The following NFIB variants were observed in gnomAD, a reference collection of about 807,000 sequenced individuals.
NFIB encodes nuclear factor I B, also known as nuclear factor 1 B-type.
NFIB carries 11 observed loss-of-function variants against 61.5 expected under a neutral mutation model. The ratio of observed to expected loss-of-function variants is 0.18; its 90% CI spans 0.11 to 0.30. The LOEUF is 0.30. Among genes scored for constraint, NFIB ranks in the 10% least tolerant of loss-of-function variants. NFIB has a pLI of 1.00. For missense variants in NFIB, 471 were observed against 608.9 expected, an observed-to-expected ratio of 0.77 and a Z score of 2.38; for synonymous variants, 260 against 216.5, an observed-to-expected ratio of 1.20 and a Z score of -1.76.
chr9:14,241,933 G>C (rs915150941), intron 2 of NFIB, among the ~76,000 whole-genome samples: 4 of 152,016 alleles, frequency 2.6e-5, no homozygotes, highest in South Asian at 2.1e-4. Context: ...AAGATCACAA[G>C]ACAAGAAATG....
At chr9:14,152,171 C>T (rs1425925987) in intron 4 of NFIB, among the ~76,000 whole-genome samples, 1 of 152,048 alleles carries the variant, frequency 6.6e-6, no homozygotes, top group African/African-American at 2.4e-5. Context: ...TGACTAGTAA[C>T]AGCTCCAAAC....
intron 2 of NFIB, among the ~76,000 whole-genome samples, chr9:14,293,891 T>G (rs2059258546): frequency 6.6e-6 from 1 of 152,188 alleles, no homozygotes; most frequent in Non-Finnish European, 1.5e-5. Context: ...AAAACCTTAC[T>G]AAAAACAGTC....
the NFIB span, among the ~76,000 whole-genome samples, chr9:14,450,067 C>G: frequency 3.3e-3 from 498 of 152,016 alleles, 4 homozygotes; most frequent in Middle Eastern, 0.01. Flanking sequence ...TTTGCTGCAC[C>G]CATTAACTCA....
chr9:14,238,387 A>G (rs149933047), intron 2 of NFIB, among the ~76,000 whole-genome samples: 1 of 152,304 alleles, frequency 6.6e-6, no homozygotes, highest in East Asian at 1.9e-4. Flanking sequence ...CAGTCTTGTG[A>G]AGAGTTTAAT....
the NFIB span, among the ~76,000 whole-genome samples, chr9:14,502,579 C>G: frequency 6.6e-6 from 1 of 152,200 alleles, no homozygotes; most frequent in Non-Finnish European, 1.5e-5. Context: ...CTGTGCGTTT[C>G]TTACACAGCG....
At chr9:14,455,686 T>A in the NFIB span, among the ~76,000 whole-genome samples, 4 of 151,964 alleles carry the variant, frequency 2.6e-5, no homozygotes, top group East Asian at 7.7e-4. Context: ...AAATGTACCA[T>A]CAAAAAAAGG....
At chr9:14,462,448 A>C in the NFIB span, among the ~76,000 whole-genome samples, 9 of 151,908 alleles carry the variant, frequency 5.9e-5, no homozygotes, top group South Asian at 1.9e-3. Context: ...ACGCCCGGCT[A>C]ATTTTTTGTA....
chr9:14,335,727 T>TAG (rs1230823002), intron 1 of NFIB, among the ~76,000 whole-genome samples: 7 of 152,234 alleles, frequency 4.6e-5, no homozygotes, highest in African/African-American at 1.7e-4. Flanking sequence ...TTTGGCTTCA[T>TAG]ATCTAAGACA....
At chr9:14,459,575 A>C in the NFIB span, among the ~76,000 whole-genome samples, 11 of 152,104 alleles carry the variant, frequency 7.2e-5, no homozygotes, top group South Asian at 8.3e-4. Context: ...TCAGAGTGAA[A>C]AGGCAACCTA....
At chr9:14,128,888 T>C (rs1054051437) in intron 6 of NFIB, among the ~76,000 whole-genome samples, 1 of 152,122 alleles carries the variant, frequency 6.6e-6, no homozygotes, top group Non-Finnish European at 1.5e-5. Context: ...AGGGTGTTTA[T>C]ATAGAAGTTG....
chr9:14,477,567 A>G, the NFIB span, among the ~76,000 whole-genome samples: 1 of 152,306 alleles, frequency 6.6e-6, no homozygotes, highest in African/African-American at 2.4e-5. Context: ...GTTGGTTGCC[A>G]TGGAGATTCA....
At chr9:14,484,797 T>G in the NFIB span, among the ~76,000 whole-genome samples, 4 of 152,358 alleles carry the variant, frequency 2.6e-5, no homozygotes, top group South Asian at 4.1e-4. Context: ...GGAGCCTGTA[T>G]CTGTATGGAG....
chr9:14,213,072 C>A (rs1007256131), intron 2 of NFIB, among the ~76,000 whole-genome samples: 1 of 152,124 alleles, frequency 6.6e-6, no homozygotes, highest in African/African-American at 2.4e-5. Flanking sequence ...ACATTATTTG[C>A]CTATTTCCAT....
At chr9:14,481,195 G>GTATATATATATATATATATATA in the NFIB span, among the ~76,000 whole-genome samples, 5 of 35,066 alleles carry the variant, frequency 1.4e-4, no homozygotes, top group African/African-American at 4.6e-4. Flanking sequence ...GTGTGTGTGT[G>GTATATATATATATATATATATA]TGTATATATA....
chr9:14,142,033 A>C (rs1021372800), intron 6 of NFIB, among the ~76,000 whole-genome samples: 15 of 152,164 alleles, frequency 9.9e-5, no homozygotes, highest in Admixed American at 3.9e-4. Flanking sequence ...ACTTAGATAA[A>C]TTAGTGACTA....
chr9:14,306,726 T>C (rs945466720), intron 2 of NFIB, among the ~76,000 whole-genome samples: 10 of 152,228 alleles, frequency 6.6e-5, no homozygotes, highest in African/African-American at 2.4e-4. Flanking sequence ...AAAACAGTAT[T>C]ATTTTAAAGA....
the NFIB span, among the ~76,000 whole-genome samples, chr9:14,410,265 T>C: frequency 6.6e-6 from 1 of 152,196 alleles, no homozygotes; most frequent in African/African-American, 2.4e-5. Context: ...TGGATATTGT[T>C]ATATGTTTGC....
At chr9:14,390,607 C>T (rs76530611) in intron 1 of NFIB, among the ~76,000 whole-genome samples, 1,987 of 152,266 alleles carry the variant, frequency 0.013, 48 homozygotes, top group African/African-American at 0.045. Context: ...AAACCTAATT[C>T]CCTGTGTGAT....
At chr9:14,228,657 T>A (rs1276158248) in intron 2 of NFIB, among the ~76,000 whole-genome samples, 2 of 152,234 alleles carry the variant, frequency 1.3e-5, no homozygotes, top group Non-Finnish European at 2.9e-5. Context: ...TGAGGTATGC[T>A]TGATTTTGAA....
Sources: allele counts gnomAD v4.1 joint callset (sites outside exome capture counted in the v4.1 genomes callset), GRCh38; gene constraint gnomAD v4.1.1; transcripts MANE v1.5; gene names NCBI Gene and HGNC (gene_info 2026-07-23, HGNC 2026-07-21).